PAK2: variants seen among roughly 807,000 people sequenced by gnomAD.
The protein encoded by PAK2 is p21 (RAC1) activated kinase 2, also known as serine/threonine-protein kinase PAK 2.
Under a neutral mutation model 65.9 loss-of-function variants are expected in PAK2, and 21 were observed. That is an observed-to-expected ratio of 0.32 (90% CI 0.23 to 0.46). The LOEUF (loss-of-function observed/expected upper bound fraction) is 0.46, where lower values mean the gene tolerates loss of function less well. Among genes scored for constraint, PAK2 ranks in the 20% least tolerant of loss-of-function variants. The probability of loss-of-function intolerance (pLI) is 1.00; values close to 1 mark genes in which losing one functional copy is unlikely to be tolerated. For synonymous variants in PAK2, 204 were observed against 219.7 expected (o/e 0.93, Z 0.63); for missense variants, 324 against 642.6 (o/e 0.50, Z 5.36).
rs1712097653 is a variant in PAK2 at position 196,831,774 on chromosome 3, A to T, written c.*3369A>T. 6.6e-6 allele frequency: 1 copy of T among 152,314 alleles called. No homozygotes were observed. Among genetic ancestry groups the T allele is most frequent in the South Asian group, 2.1e-4 (1 of 4,826 alleles). 9.4% of individuals were successfully genotyped at this position (152,314 alleles called of 1,614,324 possible). A position where few individuals can be genotyped will look rare whatever the true frequency, so the allele number is the denominator to read the frequency against. ...ATCCATTTTTGAGTCTAAATCTTTT[A>T]AAATATACTGAGATCCACATCTAGT... is the stretch of plus-strand genomic sequence containing the variant. On this transcript the variant is annotated 3_prime_UTR_variant, in exon 15 of 15. Coordinates refer to ENST00000327134, the MANE Select transcript of PAK2 (RefSeq NM_002577.4).
intron 2 of PAK2, among the ~76,000 whole-genome samples, chr3:196,794,458 C>T (rs1715178919): frequency 6.6e-6 from 1 of 152,234 alleles, no homozygotes; most frequent in Admixed American, 6.5e-5. Context: ...GTATCTGCAA[C>T]ACCCGTTCCC....
chr3:196,760,476 C>G (rs1713921965), intron 1 of PAK2, among the ~76,000 whole-genome samples: 3 of 152,144 alleles, frequency 2.0e-5, no homozygotes, highest in Admixed American at 6.5e-5. Flanking sequence ...GTCTCGAACT[C>G]CTGAGCTCAG....
In PAK2 at chr3:196,767,029, T is replaced by A. The variant is rs1714192379; in HGVS notation, c.-21-15597T>A. On this transcript the variant is annotated intron_variant, in intron 1 of 14. Transcript: ENST00000327134. The stretch of plus-strand genomic sequence containing the variant: ...GGTAAATGATAGCATCCCATATATA[T>A]TTTTTTCTTCCAACTGGTTTTCACT... Among the ~76,000 whole-genome samples the A allele has an allele frequency of 1.3e-5, 2 of 151,828 alleles. 1 individual carries two copies. The highest frequency in any genetic ancestry group is 1.3e-4 in the Admixed American group (2 of 15,174).
chr3:196,807,944 A>C, intron 7 of PAK2, 30 bp downstream of exon 7: 1 of 1,582,616 alleles, frequency 6.3e-7, no homozygotes, highest in South Asian at 1.1e-5. Flanking sequence ...CATCATTGTT[A>C]AATTGTTCAC....
At chr3:196,815,387 G>C (rs948691701) in intron 11 of PAK2, among the ~76,000 whole-genome samples, 1 of 151,612 alleles carries the variant, frequency 6.6e-6, no homozygotes, top group African/African-American at 2.4e-5. Flanking sequence ...AGCTACTCGC[G>C]AGGCTGAGGC....
At chr3:196,759,295 T>A (rs571562679) in intron 1 of PAK2, among the ~76,000 whole-genome samples, 1 of 152,272 alleles carries the variant, frequency 6.6e-6, no homozygotes, top group East Asian at 1.9e-4. Context: ...TGGCATATTC[T>A]TCAGAGTTTC....
At chr3:196,804,387 A>G (rs1334428835) in intron 4 of PAK2, among the ~76,000 whole-genome samples, 5 of 152,234 alleles carry the variant, frequency 3.3e-5, no homozygotes, top group African/African-American at 9.6e-5. Flanking sequence ...TGAAAAACCA[A>G]TGTTTGACCA....
chr3:196,757,045 C>T (rs1424078584), intron 1 of PAK2, among the ~76,000 whole-genome samples: 4 of 152,148 alleles, frequency 2.6e-5, no homozygotes, highest in Non-Finnish European at 5.9e-5. Flanking sequence ...GTGTCATTCC[C>T]CTGTTGGCTA....
At chr3:196,788,572 A>G (rs910090365) in intron 2 of PAK2, among the ~76,000 whole-genome samples, 4 of 152,158 alleles carry the variant, frequency 2.6e-5, no homozygotes, top group Non-Finnish European at 4.4e-5. Context: ...ATGAGTGATA[A>G]AGCAGATAGT....
intron 1 of PAK2, among the ~76,000 whole-genome samples, chr3:196,764,753 A>G (rs908524261): frequency 2.0e-5 from 3 of 151,846 alleles, no homozygotes; most frequent in African/African-American, 4.8e-5. Context: ...TAGTGGGCTC[A>G]GGCAGTCCTC....
chr3:196,808,332 G>A (rs952768140), intron 7 of PAK2, among the ~76,000 whole-genome samples: 3 of 151,410 alleles, frequency 2.0e-5, no homozygotes, highest in African/African-American at 7.3e-5. Flanking sequence ...GGAGGCCGAG[G>A]TGGGCGGATC....
intron 7 of PAK2, 131 bp downstream of exon 7, chr3:196,808,045 C>T (rs1282277993): frequency 1.3e-6 from 1 of 782,458 alleles, no homozygotes; most frequent in South Asian, 1.9e-5. Context: ...CTTATAGCAA[C>T]AGTAGCTTCA....
chr3:196,825,319 C>T (rs1055052772), intron 13 of PAK2, among the ~76,000 whole-genome samples: 1 of 151,770 alleles, frequency 6.6e-6, no homozygotes, highest in African/African-American at 2.4e-5. Context: ...GCATTCCAGC[C>T]TGGGCAACAG....
chr3:196,811,330 TCCCTC>T (rs1560113942), intron 8 of PAK2, among the ~76,000 whole-genome samples: 182 of 3,792 alleles, frequency 0.048, 3 homozygotes, highest in Admixed American at 0.079. Flanking sequence ...TTCCTTCCCT[TCCCTC>T]CCTTCCCTCC....
intron 1 of PAK2, among the ~76,000 whole-genome samples, chr3:196,779,082 C>A (rs905596457): frequency 6.6e-6 from 1 of 152,174 alleles, no homozygotes; most frequent in Non-Finnish European, 1.5e-5. Flanking sequence ...CTAAGTCCTG[C>A]CTTCACTCAA....
intron 1 of PAK2, among the ~76,000 whole-genome samples, chr3:196,775,319 CTGAG>C (rs1190893720): frequency 1.3e-5 from 2 of 152,150 alleles, no homozygotes; most frequent in Non-Finnish European, 2.9e-5. Context: ...TTCTATTAGA[CTGAG>C]TATGTACAGA....
At chr3:196,759,530 T>TTTTTTTTTTTTTG (rs1713893015) in intron 1 of PAK2, among the ~76,000 whole-genome samples, 1 of 133,596 alleles carries the variant, frequency 7.5e-6, no homozygotes, top group Admixed American at 7.6e-5. Flanking sequence ...TTTTTTTTTT[T>TTTTTTTTTTTTTG]TTTTTTTGAG....
chr3:196,799,791 C>T (rs1466947533), intron 2 of PAK2, among the ~76,000 whole-genome samples: 1 of 152,140 alleles, frequency 6.6e-6, no homozygotes, highest in East Asian at 1.9e-4. Flanking sequence ...CTGAAGTTTG[C>T]ATTTTAGATA....
chr3:196,815,558 G>A (rs1450875236), intron 11 of PAK2, among the ~76,000 whole-genome samples: 1 of 151,810 alleles, frequency 6.6e-6, no homozygotes, highest in African/African-American at 2.4e-5. Context: ...GGAGGCCGAG[G>A]CGGGCAGATC....
Sources: gnomAD v4.1 joint callset for allele counts (sites outside exome capture counted in the v4.1 genomes callset) on GRCh38, gnomAD v4.1.1 for gene constraint, MANE v1.5 for transcripts, NCBI Gene and HGNC (gene_info 2026-07-23, HGNC 2026-07-21) for gene names.